SPAG16: variants seen among roughly 807,000 people sequenced by gnomAD.
The protein encoded by SPAG16 is sperm associated antigen 16.
A neutral mutation model predicts 80.4 loss-of-function variants in SPAG16; 86 were observed. The observed-to-expected ratio is 1.07, with a 90% CI of 0.90 to 1.28. The LOEUF (loss-of-function observed/expected upper bound fraction) is 1.28. SPAG16 is among the 50% of genes most tolerant of loss of function. The pLI, the probability that SPAG16 is intolerant of heterozygous loss-of-function variation, is 0.00. For synonymous variants in SPAG16, 294 were observed against 265.9 expected, an observed-to-expected ratio of 1.11 and a Z score of -1.03; for missense variants, 870 against 765.3, an observed-to-expected ratio of 1.14 and a Z score of -1.61.
intron 10 of SPAG16, among the ~76,000 whole-genome samples, chr2:213,831,384 C>A (rs10932500): frequency 0.35 from 53,357 of 150,924 alleles, 10,010 homozygotes; most frequent in East Asian, 0.52. Context: ...TTCTCCCTGC[C>A]AAAATGCTTT....
chr2:213,998,204 G>A (rs2124850409), intron 12 of SPAG16, among the ~76,000 whole-genome samples: 1 of 152,164 alleles, frequency 6.6e-6, no homozygotes, highest in Non-Finnish European at 1.5e-5. Context: ...CTGCATTGAG[G>A]GTTAAATACT....
At chr2:213,525,556 G>A (rs970133192) in intron 10 of SPAG16, among the ~76,000 whole-genome samples, 3 of 151,776 alleles carry the variant, frequency 2.0e-5, no homozygotes, top group African/African-American at 7.3e-5. Context: ...CAAAGTGCTG[G>A]GATTACAGGT....
intron 13 of SPAG16, among the ~76,000 whole-genome samples, chr2:214,082,542 C>A (rs1023539246): frequency 6.6e-6 from 1 of 152,186 alleles, no homozygotes; most frequent in African/African-American, 2.4e-5. Context: ...TCCTATCCAT[C>A]TTTCTGTCTT....
intron 7 of SPAG16, among the ~76,000 whole-genome samples, chr2:213,355,930 G>GC (rs1235554370): frequency 1.3e-5 from 2 of 152,170 alleles, no homozygotes; most frequent in Admixed American, 6.5e-5. Flanking sequence ...GTGAGAGAGG[G>GC]CATCGTTGTC....
intron 15 of SPAG16, among the ~76,000 whole-genome samples, chr2:214,401,331 T>G (rs1701693140): frequency 6.6e-6 from 1 of 151,988 alleles, no homozygotes; most frequent in African/African-American, 2.4e-5. Flanking sequence ...CTATCTATAT[T>G]GATTTAGAGA....
At chr2:214,047,220 T>C (rs2049376768) in intron 13 of SPAG16, among the ~76,000 whole-genome samples, 1 of 152,074 alleles carries the variant, frequency 6.6e-6, no homozygotes, top group African/African-American at 2.4e-5. Flanking sequence ...AGACCTAGAA[T>C]ATCCAAAGCT....
intron 9 of SPAG16, among the ~76,000 whole-genome samples, chr2:213,380,443 A>G (rs2067112352): frequency 6.6e-6 from 1 of 152,204 alleles, no homozygotes; most frequent in Admixed American, 6.5e-5. Context: ...AATGGAGACC[A>G]TGGACATTTG....
chr2:214,324,793 G>C (rs1314969891), intron 15 of SPAG16, among the ~76,000 whole-genome samples: 1 of 147,608 alleles, frequency 6.8e-6, no homozygotes, highest in Non-Finnish European at 1.5e-5. Flanking sequence ...GACGACTTTT[G>C]GATTTTTATG....
At chr2:213,922,404 T>C (rs573497938) in intron 11 of SPAG16, among the ~76,000 whole-genome samples, 1 of 152,310 alleles carries the variant, frequency 6.6e-6, no homozygotes, top group African/African-American at 2.4e-5. Context: ...TTATAATGGC[T>C]ATTTTGACTA....
In SPAG16 at chr2:214,139,593, T is replaced by A. The variant is rs2055244688; in HGVS notation, c.1594-9547T>A. ...TTCGCTTTAAAAAATGCATCTGAAA[T>A]TACAAATTTTTATTAATAATGGCTT... is the stretch of plus-strand genomic sequence containing the variant. On this transcript the variant is annotated intron_variant, in intron 14 of 15. Transcript: ENST00000331683. 2.0e-5 allele frequency among the ~76,000 whole-genome samples: 3 copies of A among 152,230 alleles called. No individual in the cohort carries two copies. In the South Asian group the frequency reaches 6.2e-4, roughly 32 times the overall value.
chr2:214,358,980 T>G (rs944645068), intron 15 of SPAG16, among the ~76,000 whole-genome samples: 1 of 151,954 alleles, frequency 6.6e-6, no homozygotes, highest in African/African-American at 2.4e-5. Context: ...AATTACTGAC[T>G]TTCTTACAGT....
chr2:213,878,276 G>C (rs1216194971), intron 11 of SPAG16, among the ~76,000 whole-genome samples: 1 of 151,972 alleles, frequency 6.6e-6, no homozygotes, highest in African/African-American at 2.4e-5. Context: ...AAAGAGGTTG[G>C]ACTAATTTAC....
chr2:213,529,799 T>C (rs1016327623), intron 10 of SPAG16, among the ~76,000 whole-genome samples: 1 of 152,256 alleles, frequency 6.6e-6, no homozygotes, highest in Non-Finnish European at 1.5e-5. Context: ...GAATGGAGCA[T>C]GCAAACTGGA....
At chr2:214,208,855 A>G (rs925946124) in intron 15 of SPAG16, among the ~76,000 whole-genome samples, 5 of 152,234 alleles carry the variant, frequency 3.3e-5, no homozygotes, top group Admixed American at 3.3e-4. Context: ...TTATAATAGT[A>G]CCTACCTCAT....
chr2:214,123,470 A>G (rs1408896999), intron 14 of SPAG16, among the ~76,000 whole-genome samples: 1 of 152,026 alleles, frequency 6.6e-6, no homozygotes, highest in Non-Finnish European at 1.5e-5. Context: ...ATATATGAAA[A>G]CAGTTCAGTA....
chr2:213,578,507 A>G (rs1290206519), intron 10 of SPAG16, among the ~76,000 whole-genome samples: 1 of 152,178 alleles, frequency 6.6e-6, no homozygotes, highest in Admixed American at 6.6e-5. Context: ...AGAGATTATT[A>G]AATGATGTAA....
At chr2:214,307,559 C>T (rs1399390864) in intron 15 of SPAG16, among the ~76,000 whole-genome samples, 1 of 152,016 alleles carries the variant, frequency 6.6e-6, no homozygotes, top group Non-Finnish European at 1.5e-5. Flanking sequence ...TTAACACTGC[C>T]TTAGCTGTGT....
In SPAG16 at chr2:213,862,500, C is replaced by G. The variant is rs760170885; in HGVS notation, c.1086C>G (p.Pro362=). Residue 362 remains proline (P), a synonymous_variant, in exon 11 of 16, where the codon CCC becomes CCG. Transcript: ENST00000331683. ...CCTCGCGCAGTGTCTCCATGCAACC[C>G]CACAAAGACATCCTAGTCTCCTGTG... ...ELPVSCVSMQ[P]HKDILVSCGE... is the part of the protein sequence containing the mutation. The G allele has an allele frequency of 1.2e-6, 2 of 1,614,070 alleles. No homozygotes were observed. Among genetic ancestry groups the G allele is most frequent in the Admixed American group, 3.3e-5 (2 of 60,012 alleles).
intron 10 of SPAG16, among the ~76,000 whole-genome samples, chr2:213,698,089 T>C (rs1312592996): frequency 6.6e-6 from 1 of 152,198 alleles, no homozygotes. Context: ...ACCTCTTTGT[T>C]AATCAGTTGA....
Sources: allele counts gnomAD v4.1 joint callset (sites outside exome capture counted in the v4.1 genomes callset), GRCh38; gene constraint gnomAD v4.1.1; transcripts MANE v1.5; gene names NCBI Gene and HGNC (gene_info 2026-07-23, HGNC 2026-07-21).